The following NAPA variants were observed in gnomAD, a reference collection of about 807,000 sequenced individuals.
NAPA encodes NSF attachment protein alpha.
NAPA carries 18 observed loss-of-function variants against 48.0 expected under a neutral mutation model. The ratio of observed to expected loss-of-function variants is 0.38; its 90% CI spans 0.26 to 0.56. The LOEUF is 0.56. Ranked by LOEUF, NAPA falls within the 20% of genes least tolerant of loss-of-function variation. The probability of loss-of-function intolerance (pLI) is 0.77; values close to 1 mark genes in which losing one functional copy is unlikely to be tolerated. For synonymous variants in NAPA, 152 were observed against 149.9 expected (o/e 1.01, Z -0.10); for missense variants, 315 against 385.0 (o/e 0.82, Z 1.52).
chr19:47,498,020 C>G (rs1342874942), intron 3 of NAPA, among the ~76,000 whole-genome samples: 2 of 152,224 alleles, frequency 1.3e-5, no homozygotes, highest in African/African-American at 4.8e-5. Flanking sequence ...ACCAATAACA[C>G]ATATGAGCAT....
Position 47,500,761 on chromosome 19 carries a change from G to A in NAPA, c.179-12C>T, listed in dbSNP as rs1293337530. ...CGCGTTTCCAGCAGCTGGAACAGAA[G>A]AGAAGGGCAGTCCTGGCCTCAGTGG... On this transcript the variant is annotated splice_polypyrimidine_tract_variant and intron_variant, in intron 2 of 10. Coordinates refer to ENST00000263354, the MANE Select transcript of NAPA (RefSeq NM_003827.4). The A allele has an allele frequency of 1.3e-6, 2 of 1,593,504 alleles. No individual in the cohort carries two copies. The highest frequency in any genetic ancestry group is 3.5e-5 in the Admixed American group (2 of 57,458).
Position 47,488,134 on chromosome 19 carries a change from G to A in NAPA, c.*154C>T. On this transcript the variant is annotated 3_prime_UTR_variant, in exon 11 of 11. Transcript: ENST00000263354. ...GTCCGGCCAGCAGCCTGGGCCTCTG[G>A]CGCCCCTGCATGCTGACCCCCGGTG... 1 of 632,494 alleles carries A rather than the reference G, an allele frequency of 1.6e-6. No individual in the cohort carries two copies. Among genetic ancestry groups the A allele is most frequent in the Non-Finnish European group, 2.8e-6 (1 of 361,438 alleles). 39.2% of individuals were successfully genotyped at this position (632,494 alleles called of 1,614,324 possible).
Position 47,492,017 on chromosome 19 carries a change from T to C in NAPA, c.664A>G (p.Lys222Glu). ...CCTGCGGGCGTGGGGTGTGCTACCT[T>C]GGCGTTGAGCATGTCGATGCAGAAG... ...CHFCIDMLNA[K>E]LAVQKYEELF... The change falls in exon 8 of 11, where the codon AAG becomes GAG. Residue 222 changes from lysine to glutamate, a missense_variant and splice_region_variant. Physicochemically the swap from Lys to Glu is moderately conservative, Grantham distance 56. Around this residue, in one of 3 missense-constraint regions of NAPA, gnomAD observed 137 missense variants for 150.1 expected, o/e 0.91. Coordinates refer to ENST00000263354, the MANE Select transcript of NAPA (RefSeq NM_003827.4). 1 of 1,613,700 alleles carries C rather than the reference T, an allele frequency of 6.2e-7. No homozygotes were observed. The highest frequency in any genetic ancestry group is 8.5e-7 in the Non-Finnish European group (1 of 1,179,738).
At chr19:47,505,184 C>T (rs1336213617) in intron 1 of NAPA, among the ~76,000 whole-genome samples, 1 of 152,280 alleles carries the variant, frequency 6.6e-6, no homozygotes, top group Non-Finnish European at 1.5e-5. Context: ...ACTCTGGAGT[C>T]CCACCAAATG....
At chr19:47,494,045 T>A (rs1030009482) in intron 4 of NAPA, among the ~76,000 whole-genome samples, 2 of 152,160 alleles carry the variant, frequency 1.3e-5, no homozygotes, top group Non-Finnish European at 2.9e-5. Context: ...GCACCTTCCA[T>A]CCGCCTCCAC....
chr19:47,512,313 G>C (rs977172715), intron 1 of NAPA, among the ~76,000 whole-genome samples: 23 of 151,998 alleles, frequency 1.5e-4, no homozygotes, highest in African/African-American at 5.1e-4. Context: ...GCAAGTCCTG[G>C]GATTCCTTGG....
chr19:47,492,260 G>A lies in NAPA; in HGVS notation c.562-141C>T, dbSNP rs552441356. On this transcript the variant is annotated intron_variant, in intron 7 of 10. Coordinates refer to ENST00000263354, the MANE Select transcript of NAPA (RefSeq NM_003827.4). ...CTGTTAACCCAGGACCCCAAGGGCA[G>A]GGAGCCAGGGACCAGCTTGGAGAGG... 4 of 686,768 alleles carry A rather than the reference G, an allele frequency of 5.8e-6. No homozygotes were observed. In the African/African-American group the frequency reaches 7.2e-5, roughly 12 times the overall value. The allele number at this position is 686,768 out of a possible 1,614,324, so 42.5% of individuals were successfully genotyped here. A position where few individuals can be genotyped will look rare whatever the true frequency, so the allele number is the denominator to read the frequency against.
At chr19:47,487,444 C>T (rs566640871), downstream of NAPA, among the ~76,000 whole-genome samples, 1 of 152,134 alleles carries the variant, frequency 6.6e-6, no homozygotes, top group Admixed American at 6.5e-5. Context: ...ACTCCCAAGC[C>T]AGAGCTCCTC....
At chr19:47,500,830 T>A in intron 2 of NAPA, 81 bp from the exon 3 acceptor site, 1 of 1,119,072 alleles carries the variant, frequency 8.9e-7, no homozygotes, top group Non-Finnish European at 1.3e-6. Flanking sequence ...CCCTGGGAGG[T>A]GGGTCGGGCT....
intron 3 of NAPA, among the ~76,000 whole-genome samples, chr19:47,497,925 A>ACC (rs1027916577): frequency 3.3e-5 from 5 of 152,026 alleles, no homozygotes; most frequent in African/African-American, 1.2e-4. Flanking sequence ...CACTGCCCCC[A>ACC]CCCCCAACTA....
At chr19:47,485,359 G>C (rs1402083570), downstream of NAPA, among the ~76,000 whole-genome samples, 1 of 152,248 alleles carries the variant, frequency 6.6e-6, no homozygotes, top group Non-Finnish European at 1.5e-5. Context: ...TGATATGCTA[G>C]CAAGTGGTGG....
rs1472240349 is a variant in NAPA at position 47,506,037 on chromosome 19, G to T, written c.99-2535C>A. ...TTTGAGATGGAGTTTCGCTCTTGTC[G>T]CCCAGGCTGGAGTACAGTGGCACGA... On this transcript the variant is annotated intron_variant, in intron 1 of 10. Transcript: ENST00000263354. This position sits in a 1 kb window ranked among gnomAD's most constrained non-coding sequence, Gnocchi z 4.0. 7.1e-6 allele frequency among the ~76,000 whole-genome samples: 1 copy of T among 140,624 alleles called. No homozygotes were observed. The highest frequency in any genetic ancestry group is 2.1e-4 in the East Asian group (1 of 4,870). The allele number at this position is 140,624 out of a possible 152,430, so 92.3% of individuals were successfully genotyped here. A position where few individuals can be genotyped will look rare whatever the true frequency, so the allele number is the denominator to read the frequency against.
intron 1 of NAPA, among the ~76,000 whole-genome samples, chr19:47,505,780 T>C (rs1055377560): frequency 6.6e-6 from 1 of 152,076 alleles, no homozygotes; most frequent in Admixed American, 6.5e-5. Flanking sequence ...GTAAATAATC[T>C]ATTTATTCCT....
chr19:47,494,077 A>G (rs1968352892), intron 4 of NAPA, among the ~76,000 whole-genome samples: 1 of 152,166 alleles, frequency 6.6e-6, no homozygotes, highest in Non-Finnish European at 1.5e-5. Context: ...GCGCTTGCCT[A>G]ACTGCTCTGC....
intron 1 of NAPA, among the ~76,000 whole-genome samples, chr19:47,504,606 T>A (rs1282708763): frequency 1.3e-5 from 2 of 151,922 alleles, no homozygotes; most frequent in African/African-American, 2.4e-5. Context: ...AATTTTTTTT[T>A]AACTGTTTGT....
chr19:47,511,760 T>C (rs1968808513), intron 1 of NAPA, among the ~76,000 whole-genome samples: 1 of 152,234 alleles, frequency 6.6e-6, no homozygotes, highest in Non-Finnish European at 1.5e-5. Flanking sequence ...TTGTAAGGAC[T>C]AAATCCATAC....
intron 7 of NAPA, chr19:47,492,538 G>A (rs907144365): frequency 7.6e-6 from 3 of 394,440 alleles, no homozygotes; most frequent in Non-Finnish European, 1.5e-5. Context: ...CCATCACCCA[G>A]GGCTCCGTGC....
chr19:47,503,519 G>GA lies in NAPA; in HGVS notation c.99-18dup. On this transcript the variant is annotated splice_polypyrimidine_tract_variant and intron_variant, in intron 1 of 10. Coordinates refer to ENST00000263354, the MANE Select transcript of NAPA (RefSeq NM_003827.4). The stretch of plus-strand genomic sequence containing the variant: ...GATGAGCCTCTGGGGAAAAAGGAAA[G>GA]AAAAAAAGGAGACAATCTAGTCGGC... The GA allele has an allele frequency of 6.2e-7, 1 of 1,609,884 alleles. No homozygotes were observed. The highest frequency in any genetic ancestry group is 8.5e-7 in the Non-Finnish European group (1 of 1,176,666).
Position 47,489,691 on chromosome 19 carries a change from C to T in NAPA, c.786+20G>A, listed in dbSNP as rs967435817. 6.2e-7 allele frequency: 1 copy of T among 1,613,756 alleles called. No homozygotes were observed. The highest frequency in any genetic ancestry group is 1.1e-5 in the South Asian group (1 of 91,032). On this transcript the variant is annotated intron_variant, in intron 10 of 10. Coordinates refer to ENST00000263354, the MANE Select transcript of NAPA (RefSeq NM_003827.4). ...ACCCATCCCCGTGAAGGGGCCTGGC[C>T]CCCCATGCTGGCCACTCACCGACTC...
Sources: allele counts gnomAD v4.1 joint callset (sites outside exome capture counted in the v4.1 genomes callset), GRCh38; gene constraint gnomAD v4.1.1; regional missense constraint gnomAD v4.1.1; non-coding constraint Gnocchi (gnomAD v3.1); transcripts MANE v1.5; gene names NCBI Gene and HGNC (gene_info 2026-07-23, HGNC 2026-07-21).